Variants in ADGRV1 observed in about 807,000 individuals in gnomAD.
The protein encoded by ADGRV1 is G-protein coupled receptor 98.
Under a neutral mutation model 596.2 loss-of-function variants are expected in ADGRV1, and 359 were observed. The ratio of observed to expected loss-of-function variants is 0.60; its 90% CI spans 0.55 to 0.66. The LOEUF is 0.66. Ranked by LOEUF, ADGRV1 falls within the 30% of genes least tolerant of loss-of-function variation. The probability of loss-of-function intolerance (pLI) is 0.00; values close to 1 mark genes in which losing one functional copy is unlikely to be tolerated. For synonymous variants in ADGRV1, 2,681 were observed against 2,679.2 expected (o/e 1.00, Z -0.02); for missense variants, 7,274 against 7,575.6 (o/e 0.96, Z 1.48).
At chr5:90,647,065 C>T (rs1171990934) in intron 16 of ADGRV1, among the ~76,000 whole-genome samples, 1 of 152,098 alleles carries the variant, frequency 6.6e-6, no homozygotes, top group Non-Finnish European at 1.5e-5. Flanking sequence ...AGCCACTGCG[C>T]CCAGCCTGAT....
At chr5:90,708,966 T>C in intron 39 of ADGRV1, 57 bp downstream of exon 39, 1 of 1,174,504 alleles carries the variant, frequency 8.5e-7, no homozygotes, top group Non-Finnish European at 1.3e-6. Context: ...ATGAAGAAAC[T>C]TCATTTTTGA....
At chr5:90,589,425 G>T (rs1259612223) in intron 1 of ADGRV1, among the ~76,000 whole-genome samples, 1 of 152,300 alleles carries the variant, frequency 6.6e-6, no homozygotes, top group Non-Finnish European at 1.5e-5. Context: ...CATGCATGTG[G>T]AGGGAAACTG....
chr5:91,100,561 A>T, intron 86 of ADGRV1, among the ~76,000 whole-genome samples: 1 of 152,202 alleles, frequency 6.6e-6, no homozygotes, highest in African/African-American at 2.4e-5. Flanking sequence ...AATATGCTAA[A>T]TAAGCAGGAA....
chr5:91,009,764 C>T (rs1302239263), intron 85 of ADGRV1, among the ~76,000 whole-genome samples: 4 of 151,980 alleles, frequency 2.6e-5, no homozygotes, highest in Non-Finnish European at 5.9e-5. Flanking sequence ...TAAAATAGTA[C>T]TAATTCACCA....
chr5:91,143,257 G>A (rs1795251653), intron 87 of ADGRV1, among the ~76,000 whole-genome samples: 1 of 152,194 alleles, frequency 6.6e-6, no homozygotes, highest in Admixed American at 6.5e-5. Context: ...GCTCCCCAAG[G>A]AGCCACAGCT....
At chr5:90,980,600 C>T (rs1026683074) in intron 84 of ADGRV1, among the ~76,000 whole-genome samples, 1 of 152,118 alleles carries the variant, frequency 6.6e-6, no homozygotes, top group African/African-American at 2.4e-5. Flanking sequence ...AAATAGAGAC[C>T]TACATATTGA....
At chr5:91,014,742 C>A (rs1489380059) in intron 85 of ADGRV1, among the ~76,000 whole-genome samples, 1 of 151,874 alleles carries the variant, frequency 6.6e-6, no homozygotes, top group African/African-American at 2.4e-5. Flanking sequence ...GTGGTAACAT[C>A]CCCTTTGTCA....
chr5:90,574,244 TG>T (rs1413910415), intron 1 of ADGRV1, among the ~76,000 whole-genome samples: 10 of 152,126 alleles, frequency 6.6e-5, no homozygotes, highest in Non-Finnish European at 1.3e-4. Context: ...TAAATTGCTT[TG>T]GTCAGTATGG....
At chr5:91,022,192 C>T (rs533011123) in intron 85 of ADGRV1, among the ~76,000 whole-genome samples, 1 of 152,138 alleles carries the variant, frequency 6.6e-6, no homozygotes, top group African/African-American at 2.4e-5. Flanking sequence ...TTTTTTCTAG[C>T]TTTATCTGCC....
Position 90,658,031 on chromosome 5 carries a change from C to T in ADGRV1, c.4505C>T (p.Pro1502Leu). The T allele has an allele frequency of 6.2e-7, 1 of 1,613,758 alleles. No homozygotes were observed. Reference protein sequence around the residue: ...LEEIYELHAMPAKSDLHPISG... With the variant: ...LEEIYELHAMLAKSDLHPISG... ...GAAATTTATGAACTTCATGCCATGC[C>T]CGCAAAAAGTGATTTACACCCAATT... is the stretch of plus-strand genomic sequence containing the variant. The change falls in exon 21 of 90, where the codon CCC (proline) becomes CTC (leucine). Residue 1502 changes from proline (P) to leucine (L), a missense_variant. Coordinates refer to ENST00000405460, the MANE Select transcript of ADGRV1 (RefSeq NM_032119.4).
At position 90,614,958 on chromosome 5, in the gene ADGRV1, C is replaced by T; in HGVS notation, c.146C>T (p.Thr49Ile). The T allele has an allele frequency of 6.3e-7, 1 of 1,579,622 alleles. No homozygotes were observed. ...TEFVVNETST[T>I]VIRLIIERIG... ...TTTGTTGTTAATGAAACAAGTACAA[C>T]AGTTATTCGTCTTATCATTGAAAGG... Residue 49 changes from threonine (T) to isoleucine (I), a missense_variant, in exon 2 of 90, where the codon ACA (threonine) becomes ATA (isoleucine). Thr to Ile is a moderately conservative substitution (Grantham distance 89, BLOSUM62 -1). Around this residue, in one of 5 missense-constraint regions of ADGRV1, gnomAD observed 1,715 missense variants for 1,708.8 expected, o/e 1.00. Coordinates refer to ENST00000405460, the MANE Select transcript of ADGRV1 (RefSeq NM_032119.4).
At chr5:90,894,050 C>A (rs933322274) in intron 83 of ADGRV1, among the ~76,000 whole-genome samples, 1 of 152,126 alleles carries the variant, frequency 6.6e-6, no homozygotes, top group South Asian at 2.1e-4. Context: ...AATAAAGACT[C>A]AAAATATTAA....
intron 87 of ADGRV1, among the ~76,000 whole-genome samples, chr5:91,120,376 T>C (rs1793204826): frequency 6.6e-6 from 1 of 152,168 alleles, no homozygotes. Flanking sequence ...TTTTAAACAC[T>C]ATGTGGGCCA....
At chr5:91,056,156 G>A (rs1786826218) in intron 85 of ADGRV1, among the ~76,000 whole-genome samples, 2 of 152,142 alleles carry the variant, frequency 1.3e-5, no homozygotes, top group Admixed American at 6.5e-5. Flanking sequence ...CGTGTGGTTG[G>A]GCATTGTTGT....
At chr5:91,101,091 G>T (rs1403447861) in intron 86 of ADGRV1, among the ~76,000 whole-genome samples, 3 of 152,168 alleles carry the variant, frequency 2.0e-5, no homozygotes, top group African/African-American at 7.2e-5. Context: ...TACTATATCA[G>T]TGTTAATTTC....
chr5:91,086,428 C>T (rs1789881609), intron 86 of ADGRV1, among the ~76,000 whole-genome samples: 1 of 152,102 alleles, frequency 6.6e-6, no homozygotes, highest in South Asian at 2.1e-4. Context: ...CCTCTTGATA[C>T]TTTTTCTGGT....
chr5:91,118,840 T>G (rs954172386), intron 87 of ADGRV1, among the ~76,000 whole-genome samples: 1 of 152,076 alleles, frequency 6.6e-6, no homozygotes, highest in Admixed American at 6.6e-5. Context: ...TCAGGGGCCC[T>G]CTGAACTTGG....
chr5:91,150,023 T>C lies in ADGRV1; in HGVS notation c.18433-7T>C. The stretch of plus-strand genomic sequence containing the variant: ...TCTTTTCTTTTCTTTTTTTTTTTTT[T>C]TTGCAGGGACTTTATGTTTTCATGG... On this transcript the variant is annotated splice_region_variant and splice_polypyrimidine_tract_variant and intron_variant, in intron 87 of 89. Transcript: ENST00000405460. 6.6e-7 allele frequency: 1 copy of C among 1,506,236 alleles called. No homozygotes were observed. 93.3% of individuals were successfully genotyped at this position (1,506,236 alleles called of 1,614,324 possible). A position where few individuals can be genotyped will look rare whatever the true frequency, so the allele number is the denominator to read the frequency against.
chr5:90,995,808 T>G (rs750693477), intron 85 of ADGRV1, among the ~76,000 whole-genome samples: 1 of 152,150 alleles, frequency 6.6e-6, no homozygotes, highest in Non-Finnish European at 1.5e-5. Context: ...TACTGAGAAC[T>G]GGAGTAAAGG....
Sources: gnomAD v4.1 joint callset for allele counts (sites outside exome capture counted in the v4.1 genomes callset) on GRCh38, gnomAD v4.1.1 for gene constraint, gnomAD v4.1.1 regional missense constraint, MANE v1.5 for transcripts, NCBI Gene and HGNC (gene_info 2026-07-23, HGNC 2026-07-21) for gene names.